NOMO1: variants seen among roughly 807,000 people sequenced by gnomAD.
The protein encoded by NOMO1 is NODAL modulator 1, also known as nodal modulator 3.
In NOMO1, 40 loss-of-function variants were observed where a neutral mutation model predicts 133.8. The observed-to-expected ratio is 0.30, with a 90% CI of 0.23 to 0.39. The LOEUF (loss-of-function observed/expected upper bound fraction) is 0.39, where lower values mean the gene tolerates loss of function less well. Ranked by LOEUF, NOMO1 falls within the 10% of genes least tolerant of loss-of-function variation. NOMO1 has a pLI of 1.00. For synonymous variants in NOMO1, 236 were observed against 570.5 expected (o/e 0.41, Z 8.36); for missense variants, 462 against 1,419.9 (o/e 0.33, Z 10.84).
chr16:14,893,669 C>T (rs2157020), intron 29 of NOMO1, among the ~76,000 whole-genome samples: 26,488 of 148,086 alleles, frequency 0.18, 4 homozygotes, highest in Non-Finnish European at 0.2. Context: ...CAGCAGTTCT[C>T]GGATGGGTTG....
At position 14,838,602 on chromosome 16, in the gene NOMO1, T is replaced by C. The variant is rs953556704; in HGVS notation, c.255+106T>C. On this transcript the variant is annotated intron_variant, in intron 2 of 30. Coordinates refer to ENST00000287667, the MANE Select transcript of NOMO1 (RefSeq NM_014287.4). ...CACTAGCAAATGCTCATCTGTTTTG[T>C]AAATTATTAGTGGAATATGATAATC... The C allele has an allele frequency of 1.1e-5, 12 of 1,123,646 alleles. No homozygotes were observed. In the Admixed American group the frequency reaches 3.0e-4, roughly 28 times the overall value. 69.6% of individuals were successfully genotyped at this position (1,123,646 alleles called of 1,614,324 possible).
At chr16:14,851,267 G>A (rs933754692) in intron 6 of NOMO1, among the ~76,000 whole-genome samples, 2 of 151,908 alleles carry the variant, frequency 1.3e-5, no homozygotes, top group Non-Finnish European at 2.9e-5. Flanking sequence ...TCCTCCTGGG[G>A]TGTTAGTGAC....
chr16:14,868,909 T>G lies in NOMO1; in HGVS notation c.1894+274T>G, dbSNP rs201962423. Among the ~76,000 whole-genome samples, 106 of 151,380 alleles carry G rather than the reference T, an allele frequency of 7.0e-4. 1 individual carries two copies. In the East Asian group the frequency reaches 0.02, roughly 28 times the overall value. On this transcript the variant is annotated intron_variant, in intron 16 of 30. Transcript: ENST00000287667. ...CATTTCCCACTTTGCTTAAAATCTT[T>G]CAGTGGCTTCTCGCTCTTTCTCATT... is the stretch of plus-strand genomic sequence containing the variant.
chr16:14,836,688 A>G (rs1482386993), intron 1 of NOMO1, among the ~76,000 whole-genome samples: 1 of 127,790 alleles, frequency 7.8e-6, no homozygotes, highest in South Asian at 2.5e-4. Context: ...TGCTTTTTCC[A>G]TTTTACTTTT....
rs1567542009 is a variant in NOMO1 at position 14,863,153 on chromosome 16, GT to G, written c.1365del (p.Phe455LeufsTer12). 1.1e-5 allele frequency: 18 copies of G among 1,609,102 alleles called. No homozygotes were observed. The highest frequency in any genetic ancestry group is 1.5e-5 in the Non-Finnish European group (18 of 1,178,376). ...GAGACAGATGCTCATGGATCATTTT[GT>G]TTTAAAGCAAAACCAGGGACTTACA... ...TVETDAHGSF[C>X]FKAKPGTYKV... On this transcript the variant is annotated frameshift_variant, in exon 12 of 31. Coordinates refer to ENST00000287667, the MANE Select transcript of NOMO1 (RefSeq NM_014287.4). LOFTEE classifies it high-confidence loss of function.
intron 29 of NOMO1, among the ~76,000 whole-genome samples, chr16:14,889,731 C>T (rs562254131): frequency 2.0e-5 from 3 of 150,130 alleles, no homozygotes; most frequent in Admixed American, 6.6e-5. Flanking sequence ...AGCACTGATG[C>T]CTGCGATTCC....
At chr16:14,851,264 G>C (rs1303451730) in intron 6 of NOMO1, among the ~76,000 whole-genome samples, 3 of 151,920 alleles carry the variant, frequency 2.0e-5, no homozygotes, top group Non-Finnish European at 4.4e-5. Flanking sequence ...TTATCCTCCT[G>C]GGGTGTTAGT....
intron 15 of NOMO1, among the ~76,000 whole-genome samples, chr16:14,867,164 A>T (rs1306444318): frequency 4.8e-5 from 1 of 20,888 alleles, no homozygotes; most frequent in African/African-American, 1.3e-4. Context: ...ATATATATAT[A>T]TATATATATA....
chr16:14,893,366 TA>T (rs1964433876), intron 29 of NOMO1, among the ~76,000 whole-genome samples: 1 of 151,554 alleles, frequency 6.6e-6, no homozygotes, highest in Non-Finnish European at 1.5e-5. Context: ...TTTGTATTTT[TA>T]TAGAGACGGG....
At chr16:14,866,470 A>C in intron 14 of NOMO1, 85 bp from the exon 15 acceptor site, 1 of 1,608,418 alleles carries the variant, frequency 6.2e-7, no homozygotes, top group Non-Finnish European at 8.5e-7. Context: ...AAAATTGATT[A>C]ATTCATGATC....
intron 3 of NOMO1, among the ~76,000 whole-genome samples, chr16:14,841,673 C>G (rs1382410323): frequency 6.6e-6 from 1 of 150,600 alleles, no homozygotes; most frequent in Non-Finnish European, 1.5e-5. Context: ...CAGTTTCACT[C>G]ATTACGTGGC....
At chr16:14,877,741 A>G (rs1343647511) in intron 22 of NOMO1, among the ~76,000 whole-genome samples, 1 of 148,500 alleles carries the variant, frequency 6.7e-6, no homozygotes, top group Non-Finnish European at 1.5e-5. Context: ...ATTTGCTGTA[A>G]TTAAGACAAT....
chr16:14,880,050 G>A lies in NOMO1; in HGVS notation c.2793G>A (p.Lys931=). The change falls in exon 24 of 31, where the codon AAG becomes AAA. Residue 931 remains lysine, a synonymous_variant. Transcript: ENST00000287667. The part of the protein sequence containing the change: ...PGQYYFKPMM[K]EFRFEPSSQM... ...AGTATTACTTCAAACCCATGATGAA[G>A]GAGTTCCGGTTTGAGCCATCCTCAC... 1 of 1,611,212 alleles carries A rather than the reference G, an allele frequency of 6.2e-7. No homozygotes were observed. Among genetic ancestry groups the A allele is most frequent in the Non-Finnish European group, 8.5e-7 (1 of 1,179,720 alleles).
At chr16:14,859,117 C>T (rs1222194107) in intron 11 of NOMO1, among the ~76,000 whole-genome samples, 2 of 151,806 alleles carry the variant, frequency 1.3e-5, no homozygotes. Context: ...AACAGTAGGC[C>T]AAAAACAGAG....
chr16:14,835,808 C>T (rs981482262), intron 1 of NOMO1, among the ~76,000 whole-genome samples: 1 of 151,806 alleles, frequency 6.6e-6, no homozygotes, highest in African/African-American at 2.4e-5. Context: ...ATGCAACTGC[C>T]GCCATTCTTC....
rs1963707444 is a variant in NOMO1 at position 14,848,011 on chromosome 16, CAT to C, written c.510-887_510-886del. On this transcript the variant is annotated intron_variant, in intron 5 of 30. Transcript: ENST00000287667. ...ATCTGCACTAACTGAAACAATGAAA[CAT>C]GTAGCACTGGGCTATTATGAAAATG... 2.0e-5 allele frequency among the ~76,000 whole-genome samples: 3 copies of C among 151,808 alleles called. No homozygotes were observed. The South Asian group carries it at 6.2e-4, about 32-fold the overall frequency.
intron 6 of NOMO1, among the ~76,000 whole-genome samples, chr16:14,850,128 T>G (rs1048091657): frequency 2.7e-5 from 4 of 148,178 alleles, no homozygotes; most frequent in African/African-American, 1.0e-4. Flanking sequence ...TGGAGTGCAA[T>G]GGGGCGATCT....
At position 14,846,608 on chromosome 16, in the gene NOMO1, C is replaced by T. The variant is rs775729104; in HGVS notation, c.434C>T (p.Ala145Val). The T allele has an allele frequency of 5.8e-5, 74 of 1,277,744 alleles. No homozygotes were observed. Among genetic ancestry groups the T allele is most frequent in the Non-Finnish European group, 7.5e-5 (68 of 911,826 alleles). The allele number at this position is 1,277,744 out of a possible 1,614,324, so 79.2% of individuals were successfully genotyped here. A position where few individuals can be genotyped will look rare whatever the true frequency, so the allele number is the denominator to read the frequency against. The stretch of plus-strand genomic sequence containing the variant: ...AGCAAAGGGCAGCCCCTGGGTCCTG[C>T]GGGAGTTCAGGTGTCTCTGAGAAAC... ...VLSKGQPLGP[A>V]GVQVSLRNTG... Residue 145 changes from alanine (A) to valine (V), a missense_variant, in exon 5 of 31, where the codon GCG becomes GTG. Coordinates refer to ENST00000287667, the MANE Select transcript of NOMO1 (RefSeq NM_014287.4).
chr16:14,850,173 C>T (rs1039221207), intron 6 of NOMO1, among the ~76,000 whole-genome samples: 2 of 148,284 alleles, frequency 1.3e-5, no homozygotes, highest in Admixed American at 6.7e-5. Flanking sequence ...TGGGTTCAAG[C>T]GATTCTCCTG....
Sources: allele counts gnomAD v4.1 joint callset (sites outside exome capture counted in the v4.1 genomes callset), GRCh38; gene constraint gnomAD v4.1.1; transcripts MANE v1.5; gene names NCBI Gene and HGNC (gene_info 2026-07-23, HGNC 2026-07-21).